Variants in CNPY1 observed in about 807,000 individuals in gnomAD.
The protein encoded by CNPY1 is protein canopy homolog 1.
In CNPY1, 14 loss-of-function variants were observed where a neutral mutation model predicts 14.4. The ratio of observed to expected loss-of-function variants is 0.97; its 90% CI spans 0.64 to 1.52. The LOEUF is 1.52. Among genes scored for constraint, CNPY1 ranks in the 40% most tolerant of loss-of-function variants. The pLI is 0.00. For missense variants in CNPY1, 129 were observed against 131.5 expected (o/e 0.98, Z 0.09); for synonymous variants, 43 against 46.5 (o/e 0.92, Z 0.31).
At chr7:155,546,378 G>T (rs911466144) in intron 1 of CNPY1, 51 bp downstream of exon 1, 1 of 397,714 alleles carries the variant, frequency 2.5e-6, no homozygotes, top group Admixed American at 4.4e-5. Flanking sequence ...AAGAGACGGG[G>T]GGTCTCACTA....
At chr7:155,521,955 A>G (rs59197089) in intron 2 of CNPY1, among the ~76,000 whole-genome samples, 37,009 of 152,238 alleles carry the variant, frequency 0.24, 5,342 homozygotes, top group East Asian at 0.32. Flanking sequence ...CAGGTCCCCA[A>G]CTGCTCATGC....
chr7:155,520,331 G>A (rs924341384), intron 2 of CNPY1, among the ~76,000 whole-genome samples: 2 of 152,056 alleles, frequency 1.3e-5, no homozygotes, highest in African/African-American at 4.8e-5. Context: ...TCGTTGTGCC[G>A]GCCGAGAGCA....
At chr7:155,538,810 C>G (rs1338701534) in intron 2 of CNPY1, among the ~76,000 whole-genome samples, 1 of 152,202 alleles carries the variant, frequency 6.6e-6, no homozygotes, top group African/African-American at 2.4e-5. Context: ...TCCTGCCCAC[C>G]CCACTCAACT....
At chr7:155,505,234 A>G (rs1026047667) in intron 4 of CNPY1, among the ~76,000 whole-genome samples, 1 of 152,172 alleles carries the variant, frequency 6.6e-6, no homozygotes, top group African/African-American at 2.4e-5. Flanking sequence ...ACCCCGCTTC[A>G]CTACGTAGCG....
At chr7:155,533,252 G>T (rs887996063) in intron 2 of CNPY1, among the ~76,000 whole-genome samples, 1 of 152,196 alleles carries the variant, frequency 6.6e-6, no homozygotes, top group African/African-American at 2.4e-5. Context: ...GGAGGAAAGA[G>T]CCAGGCACCT....
chr7:155,524,319 CT>C (rs1796780908), intron 2 of CNPY1, among the ~76,000 whole-genome samples: 1 of 152,234 alleles, frequency 6.6e-6, no homozygotes, highest in South Asian at 2.1e-4. Context: ...AAGAACTTTC[CT>C]GTAAGGCAGG....
chr7:155,531,655 C>T (rs1284026088), intron 2 of CNPY1, among the ~76,000 whole-genome samples: 1 of 152,162 alleles, frequency 6.6e-6, no homozygotes, highest in East Asian at 1.9e-4. Flanking sequence ...CTTATTTGTA[C>T]TTCTGTTTCC....
At chr7:155,514,438 A>G (rs75408530) in intron 2 of CNPY1, among the ~76,000 whole-genome samples, 3,469 of 152,284 alleles carry the variant, frequency 0.023, 134 homozygotes, top group African/African-American at 0.08. Flanking sequence ...CTTGTTACTG[A>G]GAACATAATG....
At chr7:155,523,838 G>T (rs1214175003) in intron 2 of CNPY1, among the ~76,000 whole-genome samples, 1 of 152,110 alleles carries the variant, frequency 6.6e-6, no homozygotes, top group Non-Finnish European at 1.5e-5. Flanking sequence ...GGATAGGATG[G>T]GTTCTAATCC....
intron 2 of CNPY1, among the ~76,000 whole-genome samples, chr7:155,516,732 C>T (rs1026933184): frequency 6.6e-6 from 1 of 152,180 alleles, no homozygotes; most frequent in African/African-American, 2.4e-5. Flanking sequence ...CACAATGCCT[C>T]AGACCCAGTG....
chr7:155,521,822 G>C (rs1373676002), intron 2 of CNPY1, among the ~76,000 whole-genome samples: 1 of 152,226 alleles, frequency 6.6e-6, no homozygotes, highest in Non-Finnish European at 1.5e-5. Context: ...CTGAGCTATG[G>C]ACTATGTTTA....
rs1318648389 is a variant in CNPY1, at chr7:155,536,348, A to G, written c.99+9483T>C. ...ACGGGCCGCTCTGTGCTTGAGACCT[A>G]TAGTCATAGGTTTCAGGAAACTTCT... On this transcript the variant is annotated intron_variant, in intron 2 of 4. Transcript: ENST00000636446. This position sits in a 1 kb window ranked among gnomAD's most constrained non-coding sequence, Gnocchi z 4.1. Among the ~76,000 whole-genome samples the G allele has an allele frequency of 5.3e-5, 8 of 152,080 alleles. No homozygotes were observed. The highest frequency in any genetic ancestry group is 1.2e-4 in the Non-Finnish European group (8 of 68,012).
Position 155,530,016 on chromosome 7 carries a change from C to T in CNPY1, c.99+15815G>A, listed in dbSNP as rs1017590452. Among the ~76,000 whole-genome samples the T allele has an allele frequency of 2.2e-4, 34 of 152,194 alleles. 1 individual carries two copies. The highest frequency in any genetic ancestry group is 7.9e-4 in the African/African-American group (33 of 41,534). ...CAGGCTGGTCTCGAACTCCCAACCT[C>T]AAGTGATCCACCCACCTCAGCCTCC... On this transcript the variant is annotated intron_variant, in intron 2 of 4. Transcript: ENST00000636446.
intron 2 of CNPY1, among the ~76,000 whole-genome samples, chr7:155,542,907 G>T (rs907552126): frequency 2.2e-4 from 34 of 152,230 alleles, no homozygotes; most frequent in African/African-American, 7.7e-4. Flanking sequence ...CCCCGCCCGA[G>T]GCTAGACGGA....
At chr7:155,531,603 T>G (rs927706142) in intron 2 of CNPY1, among the ~76,000 whole-genome samples, 11 of 152,200 alleles carry the variant, frequency 7.2e-5, no homozygotes, top group African/African-American at 2.2e-4. Flanking sequence ...GATGGGGTTG[T>G]GCCCACAGAG....
At chr7:155,537,929 AAAAG>A (rs1289576497) in intron 2 of CNPY1, among the ~76,000 whole-genome samples, 26 of 152,218 alleles carry the variant, frequency 1.7e-4, no homozygotes, top group African/African-American at 5.1e-4. Context: ...GATAAACAAA[AAAAG>A]AAAGAAAGGA....
chr7:155,521,262 T>C (rs757306396), intron 2 of CNPY1, among the ~76,000 whole-genome samples: 23 of 152,056 alleles, frequency 1.5e-4, no homozygotes, highest in Non-Finnish European at 2.6e-4. Flanking sequence ...TTCCGTAAAC[T>C]CCACCCAGGA....
At chr7:155,517,407 G>A (rs1467894300) in intron 2 of CNPY1, among the ~76,000 whole-genome samples, 2 of 152,204 alleles carry the variant, frequency 1.3e-5, no homozygotes, top group Non-Finnish European at 2.9e-5. Flanking sequence ...ATTGTTAGTG[G>A]CTCCTGTCTG....
intron 2 of CNPY1, among the ~76,000 whole-genome samples, chr7:155,542,432 T>C (rs1797095188): frequency 6.6e-6 from 1 of 152,150 alleles, no homozygotes; most frequent in African/African-American, 2.4e-5. Flanking sequence ...GAAAGGCTCT[T>C]CATGGAGACC....
Sources: gnomAD v4.1 joint callset for allele counts (sites outside exome capture counted in the v4.1 genomes callset) on GRCh38, gnomAD v4.1.1 for gene constraint, Gnocchi (gnomAD v3.1) non-coding constraint, MANE v1.5 for transcripts, NCBI Gene and HGNC (gene_info 2026-07-23, HGNC 2026-07-21) for gene names.